The following GPC6 variants were observed in gnomAD, a reference collection of about 807,000 sequenced individuals.
GPC6 encodes the protein glypican-6.
Under a neutral mutation model 55.2 loss-of-function variants are expected in GPC6, and 14 were observed. The observed-to-expected ratio is 0.25, with a 90% CI of 0.17 to 0.40. GPC6 has a LOEUF of 0.40. Ranked by LOEUF, GPC6 falls within the 10% of genes least tolerant of loss-of-function variation. The probability of loss-of-function intolerance (pLI) is 1.00; values close to 1 mark genes in which losing one functional copy is unlikely to be tolerated. For synonymous variants in GPC6, 278 were observed against 259.6 expected (o/e 1.07, Z -0.68); for missense variants, 641 against 708.5 (o/e 0.90, Z 1.08).
At chr13:93,412,146 A>G (rs1363509864) in intron 1 of GPC6, among the ~76,000 whole-genome samples, 2 of 152,160 alleles carry the variant, frequency 1.3e-5, no homozygotes, top group African/African-American at 4.8e-5. Context: ...GATATAAATA[A>G]TAAGTGGAGA....
chr13:94,280,804 G>T (rs559394052), intron 4 of GPC6, among the ~76,000 whole-genome samples: 28 of 152,018 alleles, frequency 1.8e-4, no homozygotes, highest in African/African-American at 6.0e-4. Flanking sequence ...GCAAAATTGG[G>T]TGCCATGGAA....
At chr13:94,104,472 C>A (rs1476125086) in intron 4 of GPC6, among the ~76,000 whole-genome samples, 4 of 152,050 alleles carry the variant, frequency 2.6e-5, no homozygotes, top group African/African-American at 9.7e-5. Context: ...CTGGCCAGGG[C>A]AATTAGGCAG....
intron 3 of GPC6, among the ~76,000 whole-genome samples, chr13:94,000,197 C>T (rs545739334): frequency 3.3e-5 from 5 of 152,286 alleles, no homozygotes; most frequent in South Asian, 4.1e-4. Context: ...GTAGATAGTA[C>T]GTTCCATGAA....
chr13:93,252,854 C>CT (rs1876832467), intron 1 of GPC6, among the ~76,000 whole-genome samples: 1 of 152,202 alleles, frequency 6.6e-6, no homozygotes, highest in South Asian at 2.1e-4. Flanking sequence ...TTCCAGACAA[C>CT]TTTCAGTAAG....
At chr13:93,960,527 T>G (rs1423311167) in intron 3 of GPC6, among the ~76,000 whole-genome samples, 1 of 151,974 alleles carries the variant, frequency 6.6e-6, no homozygotes, top group East Asian at 1.9e-4. Context: ...TACCAGAGAG[T>G]TGGAGTAGGG....
At chr13:94,021,844 A>G (rs981122574) in intron 3 of GPC6, among the ~76,000 whole-genome samples, 1 of 152,090 alleles carries the variant, frequency 6.6e-6, no homozygotes, top group Non-Finnish European at 1.5e-5. Flanking sequence ...TCTTATCAAA[A>G]TCTCACTTAG....
At chr13:93,654,358 C>T (rs567107950) in intron 2 of GPC6, among the ~76,000 whole-genome samples, 60 of 152,040 alleles carry the variant, frequency 3.9e-4, no homozygotes, top group Non-Finnish European at 7.2e-4. Context: ...GACAGAATCT[C>T]ACTCTGTTGC....
chr13:94,277,406 T>C (rs972398046), intron 4 of GPC6, among the ~76,000 whole-genome samples: 1 of 152,220 alleles, frequency 6.6e-6, no homozygotes, highest in African/African-American at 2.4e-5. Flanking sequence ...TGATAGTTTC[T>C]TTTGCTGTGC....
At chr13:93,776,073 G>T (rs1490483037) in intron 2 of GPC6, among the ~76,000 whole-genome samples, 1 of 143,546 alleles carries the variant, frequency 7.0e-6, no homozygotes, top group South Asian at 2.3e-4. Context: ...TTTTTTGGGG[G>T]GTGGGGGGGT....
At chr13:93,973,851 A>C (rs575490760) in intron 3 of GPC6, among the ~76,000 whole-genome samples, 2 of 152,280 alleles carry the variant, frequency 1.3e-5, no homozygotes, top group South Asian at 2.1e-4. Context: ...AAAGGGGTAC[A>C]TGATCTAAAA....
intron 6 of GPC6, among the ~76,000 whole-genome samples, chr13:94,311,202 T>C (rs559355540): frequency 9.9e-4 from 151 of 152,162 alleles, no homozygotes; most frequent in African/African-American, 3.4e-3. Flanking sequence ...CACAATACCA[T>C]TGCATGCTAA....
intron 2 of GPC6, among the ~76,000 whole-genome samples, chr13:93,636,022 T>TGA (rs149267519): frequency 0.02 from 3,057 of 151,688 alleles, 84 homozygotes; most frequent in African/African-American, 0.068. Flanking sequence ...CTAACACCCT[T>TGA]GAGAGAGAGA....
At chr13:93,252,669 T>C (rs751341408) in intron 1 of GPC6, among the ~76,000 whole-genome samples, 1 of 152,254 alleles carries the variant, frequency 6.6e-6, no homozygotes, top group Non-Finnish European at 1.5e-5. Context: ...ACTTAGTTTT[T>C]GTTTCTCAAA....
chr13:93,329,565 A>G (rs1879768083), intron 1 of GPC6, among the ~76,000 whole-genome samples: 1 of 152,198 alleles, frequency 6.6e-6, no homozygotes, highest in African/African-American at 2.4e-5. Context: ...CTAAGATTCA[A>G]CTTTATAAGT....
At chr13:93,624,875 GA>G (rs1186686777) in intron 2 of GPC6, among the ~76,000 whole-genome samples, 3 of 152,194 alleles carry the variant, frequency 2.0e-5, no homozygotes, top group Non-Finnish European at 2.9e-5. Flanking sequence ...GGAGTTTCAA[GA>G]GAGAAAATTT....
intron 2 of GPC6, among the ~76,000 whole-genome samples, chr13:93,594,194 G>A (rs1877622231): frequency 6.6e-6 from 1 of 151,444 alleles, no homozygotes; most frequent in African/African-American, 2.4e-5. Flanking sequence ...AAGTTCAGGG[G>A]TACAAGTGCA....
chr13:93,457,561 C>A (rs530205116), intron 1 of GPC6, among the ~76,000 whole-genome samples: 1 of 152,248 alleles, frequency 6.6e-6, no homozygotes, highest in East Asian at 1.9e-4. Flanking sequence ...CAAGCTGTGG[C>A]TCAGTGTTGA....
At chr13:94,234,494 C>T (rs1890817337) in intron 4 of GPC6, among the ~76,000 whole-genome samples, 2 of 133,080 alleles carry the variant, frequency 1.5e-5, no homozygotes, top group South Asian at 2.3e-4. Flanking sequence ...AAAAGGAGGC[C>T]GTTCTTTTGT....
chr13:94,225,823 C>G (rs116593293), intron 4 of GPC6, among the ~76,000 whole-genome samples: 83 of 152,150 alleles, frequency 5.5e-4, no homozygotes, highest in African/African-American at 1.9e-3. Context: ...TCAGTATTCA[C>G]TAATCTGGTG....
Sources: gnomAD v4.1 joint callset for allele counts (sites outside exome capture counted in the v4.1 genomes callset) on GRCh38, gnomAD v4.1.1 for gene constraint, MANE v1.5 for transcripts, NCBI Gene and HGNC (gene_info 2026-07-23, HGNC 2026-07-21) for gene names.